IL4R: variants seen among roughly 807,000 people sequenced by gnomAD.
The protein encoded by IL4R is interleukin-4 receptor subunit alpha.
IL4R carries 17 observed loss-of-function variants against 41.5 expected under a neutral mutation model. That is an observed-to-expected ratio of 0.41 (90% confidence interval 0.28 to 0.61). The LOEUF (loss-of-function observed/expected upper bound fraction) is 0.61, where lower values mean the gene tolerates loss of function less well. IL4R is among the 20% of genes least tolerant of loss of function. The pLI is 0.31. For missense variants in IL4R, 974 were observed against 1,043.1 expected, an observed-to-expected ratio of 0.93 and a Z score of 0.91; for synonymous variants, 402 against 422.9, an observed-to-expected ratio of 0.95 and a Z score of 0.61.
chr16:27,352,995 G>A (rs1044587091), intron 7 of IL4R, among the ~76,000 whole-genome samples: 1 of 152,226 alleles, frequency 6.6e-6, no homozygotes, highest in Non-Finnish European at 1.5e-5. Flanking sequence ...GAAATCTGGG[G>A]AGTGAGGTTC....
chr16:27,343,626 T>C (rs3024550), intron 4 of IL4R, among the ~76,000 whole-genome samples: 24,152 of 151,946 alleles, frequency 0.16, 2,282 homozygotes, highest in African/African-American at 0.25. Context: ...CCGGTTTTCA[T>C]CATGTTGGCC....
At chr16:27,354,982 CAG>C (rs903229524) in intron 7 of IL4R, 1 of 463,994 alleles carries the variant, frequency 2.2e-6, no homozygotes, top group Non-Finnish European at 4.5e-6. Flanking sequence ...TTGTATGAAA[CAG>C]ATAACAATGT....
chr16:27,347,975 G>A (rs3024583), intron 6 of IL4R, among the ~76,000 whole-genome samples: 13,293 of 152,096 alleles, frequency 0.087, 687 homozygotes, highest in African/African-American at 0.12. Context: ...CCATCTGCCC[G>A]CTGTCCCACA....
intron 7 of IL4R, chr16:27,355,268 G>A (rs1316410081): frequency 7.0e-6 from 2 of 283,774 alleles, no homozygotes; most frequent in Non-Finnish European, 1.5e-5. Context: ...AGGGTGTCGG[G>A]GAAAACTTTT....
intron 1 of IL4R, among the ~76,000 whole-genome samples, chr16:27,328,917 C>T (rs1311902561): frequency 5.9e-5 from 9 of 152,112 alleles, no homozygotes; most frequent in Admixed American, 5.9e-4. Context: ...ATTAACCGTT[C>T]ATAATGTAGA....
chr16:27,346,356 G>A, intron 5 of IL4R, 111 bp from the exon 6 acceptor site: 1 of 966,892 alleles, frequency 1.0e-6, no homozygotes, highest in Non-Finnish European at 1.6e-6. Context: ...TGCTATGGAG[G>A]TTTTGTCGAC....
intron 6 of IL4R, among the ~76,000 whole-genome samples, chr16:27,347,093 C>G (rs950105974): frequency 2.0e-5 from 3 of 152,216 alleles, no homozygotes; most frequent in Non-Finnish European, 2.9e-5. Context: ...AGGCCACACC[C>G]CAGGCTTAGA....
rs1191071926 is a variant in IL4R, at chr16:27,313,982, C to T, written c.-190C>T. 19 of 984,674 alleles carry T rather than the reference C, an allele frequency of 1.9e-5. No homozygotes were observed. The Admixed American group carries it at 1.2e-3, about 61-fold the overall frequency. 61.0% of individuals were successfully genotyped at this position (984,674 alleles called of 1,614,324 possible). The stretch of plus-strand genomic sequence containing the variant: ...CCACCCAGGGGTCCCCCACTTCCCG[C>T]TTGGGCGCCCGGACGGCGAATGGAG... On this transcript the variant is annotated 5_prime_UTR_variant, in exon 1 of 11. Coordinates refer to ENST00000395762, the MANE Select transcript of IL4R (RefSeq NM_000418.4).
chr16:27,332,272 A>C (rs2085132218), intron 2 of IL4R, among the ~76,000 whole-genome samples: 1 of 152,128 alleles, frequency 6.6e-6, no homozygotes, highest in Non-Finnish European at 1.5e-5. Flanking sequence ...CAGGAAACAT[A>C]TTATCATGGC....
chr16:27,363,399 G>A lies in IL4R; in HGVS notation c.2047G>A (p.Gly683Arg). 1 of 1,614,130 alleles carries A rather than the reference G, an allele frequency of 6.2e-7. No individual in the cohort carries two copies. The highest frequency in any genetic ancestry group is 8.5e-7 in the Non-Finnish European group (1 of 1,180,018). Reference protein sequence around the residue: ...SSPEHLGLEPGEKVEDMPKPP... With the variant: ...SSPEHLGLEPREKVEDMPKPP... ...CCCAGAGCACCTGGGTCTGGAGCCG[G>A]GGGAAAAGGTAGAGGACATGCCAAA... Residue 683 changes from glycine (G) to arginine (R), a missense_variant, in exon 11 of 11, where the codon GGG becomes AGG. By Grantham distance (125) the Gly-to-Arg change is moderately radical. Coordinates refer to ENST00000395762, the MANE Select transcript of IL4R (RefSeq NM_000418.4).
intron 4 of IL4R, among the ~76,000 whole-genome samples, chr16:27,342,619 A>G (rs1001690416): frequency 6.6e-6 from 1 of 152,184 alleles, no homozygotes; most frequent in Non-Finnish European, 1.5e-5. Flanking sequence ...AGAACTTGCA[A>G]TGAAGAAATG....
At chr16:27,332,695 A>G (rs1214415083) in intron 2 of IL4R, among the ~76,000 whole-genome samples, 1 of 150,910 alleles carries the variant, frequency 6.6e-6, no homozygotes, top group African/African-American at 2.4e-5. Flanking sequence ...CCAATTTTGT[A>G]TTTTTTTCTT....
At chr16:27,333,801 G>A (rs1262324008) in intron 2 of IL4R, among the ~76,000 whole-genome samples, 1 of 152,012 alleles carries the variant, frequency 6.6e-6, no homozygotes, top group Non-Finnish European at 1.5e-5. Flanking sequence ...GAAGTGGGGT[G>A]TTCGCAGGAC....
Position 27,363,342 on chromosome 16 carries a change from A to G in IL4R, c.1990A>G (p.Ser664Gly). Residue 664 changes from serine to glycine, a missense_variant, in exon 11 of 11, where the codon AGT becomes GGT. By Grantham distance (56) the Ser-to-Gly change is moderately conservative (BLOSUM62 0). Transcript: ENST00000395762. Reference sequence around the variant, plus strand: ...TGGACTGGACAGGGAGCCACCTCGCAGTCCGCAGAGCTCACATCTCCCAAG... The same window carrying G: ...TGGACTGGACAGGGAGCCACCTCGCGGTCCGCAGAGCTCACATCTCCCAAG... ...TFGLDREPPR[S>G]PQSSHLPSSS... 6.2e-7 allele frequency: 1 copy of G among 1,613,926 alleles called. No individual in the cohort carries two copies. Among genetic ancestry groups the G allele is most frequent in the Middle Eastern group, 1.7e-4 (1 of 6,060 alleles).
intron 2 of IL4R, among the ~76,000 whole-genome samples, chr16:27,330,839 T>C (rs1399639571): frequency 6.6e-6 from 1 of 152,112 alleles, no homozygotes; most frequent in Admixed American, 6.6e-5. Flanking sequence ...ACTCTAGGGC[T>C]TGGATTTTAT....
Position 27,362,732 on chromosome 16 carries a change from C to T in IL4R, c.1380C>T (p.Gly460=), listed in dbSNP as rs756502662. 2.5e-6 allele frequency: 4 copies of T among 1,614,078 alleles called. No individual in the cohort carries two copies. The South Asian group carries it at 3.3e-5, about 13-fold the overall frequency. Residue 460 remains glycine (G), a synonymous_variant, in exon 11 of 11, where the codon GGC becomes GGT. Transcript: ENST00000395762. ...SAGPKEAPPW[G]KEQPLHLEPS... is the part of the protein sequence containing the mutation. ...GGCCCAAGGAGGCACCTCCCTGGGGCAAGGAGCAGCCTCTCCACCTGGAGC... is the reference window on the plus strand; with the variant it reads ...GGCCCAAGGAGGCACCTCCCTGGGGTAAGGAGCAGCCTCTCCACCTGGAGC...
intron 8 of IL4R, among the ~76,000 whole-genome samples, chr16:27,356,732 C>G (rs2086095091): frequency 6.6e-6 from 1 of 152,192 alleles, no homozygotes; most frequent in African/African-American, 2.4e-5. Context: ...CTGATGGAGT[C>G]AGGAGACCTG....
intron 4 of IL4R, among the ~76,000 whole-genome samples, chr16:27,342,876 T>C (rs2085488620): frequency 6.6e-6 from 1 of 152,234 alleles, no homozygotes; most frequent in Non-Finnish European, 1.5e-5. Flanking sequence ...TCACAGGTCA[T>C]GTAGCCTCTA....
At chr16:27,320,158 C>T (rs1476128347) in intron 1 of IL4R, among the ~76,000 whole-genome samples, 1 of 152,178 alleles carries the variant, frequency 6.6e-6, no homozygotes, top group African/African-American at 2.4e-5. Flanking sequence ...TGAGCCACTG[C>T]ACGCGGCCCT....
Sources: gnomAD v4.1 joint callset for allele counts (sites outside exome capture counted in the v4.1 genomes callset) on GRCh38, gnomAD v4.1.1 for gene constraint, MANE v1.5 for transcripts, NCBI Gene and HGNC (gene_info 2026-07-23, HGNC 2026-07-21) for gene names.